AGBL1: variants seen among roughly 807,000 people sequenced by gnomAD.
AGBL1 encodes the protein AGBL carboxypeptidase 1, also known as cytosolic carboxypeptidase 4.
AGBL1 carries 130 observed loss-of-function variants against 118.9 expected under a neutral mutation model. The ratio of observed to expected loss-of-function variants is 1.09; its 90% CI spans 0.95 to 1.26. The LOEUF (loss-of-function observed/expected upper bound fraction) is 1.26, where lower values mean the gene tolerates loss of function less well. AGBL1 is among the 50% of genes most tolerant of loss of function. The probability of loss-of-function intolerance (pLI) is 0.00; values close to 1 mark genes in which losing one functional copy is unlikely to be tolerated. For missense variants in AGBL1, 1,584 were observed against 1,298.1 expected (o/e 1.22, Z -3.38); for synonymous variants, 555 against 478.9 (o/e 1.16, Z -2.08).
At chr15:86,171,396 G>T (rs1261857650) in intron 5 of AGBL1, among the ~76,000 whole-genome samples, 1 of 152,152 alleles carries the variant, frequency 6.6e-6, no homozygotes, top group Non-Finnish European at 1.5e-5. Flanking sequence ...GTATTCTATT[G>T]TAAGTGTCTT....
chr15:86,679,793 G>A (rs1251363628), intron 22 of AGBL1, among the ~76,000 whole-genome samples: 2 of 152,050 alleles, frequency 1.3e-5, no homozygotes, highest in Admixed American at 1.3e-4. Context: ...AGATTCTTTA[G>A]TATCTAGAAA....
chr15:86,244,694 A>T (rs1488874830), intron 6 of AGBL1, among the ~76,000 whole-genome samples: 2 of 152,190 alleles, frequency 1.3e-5, no homozygotes, highest in African/African-American at 4.8e-5. Context: ...GACATGGATG[A>T]AGGTCACTGG....
rs550081422 is a variant in AGBL1, at chr15:86,241,801, G to T, written c.527-5870G>T. Reference sequence around the variant, plus strand: ...TGTAACATTGAGTAACTTAACCAAGGTTACACAGCTAGTAAACACTAGAGC... The same window carrying T: ...TGTAACATTGAGTAACTTAACCAAGTTTACACAGCTAGTAAACACTAGAGC... On this transcript the variant is annotated intron_variant, in intron 6 of 22. Transcript: ENST00000614907. Among the ~76,000 whole-genome samples the T allele has an allele frequency of 2.0e-4, 30 of 152,294 alleles. 2 individuals carry two copies. The South Asian group carries it at 5.8e-3, about 29-fold the overall frequency.
chr15:86,128,733 A>G (rs1412988346), intron 1 of AGBL1, among the ~76,000 whole-genome samples: 2 of 152,128 alleles, frequency 1.3e-5, no homozygotes, highest in Non-Finnish European at 2.9e-5. Flanking sequence ...AAATGAACTC[A>G]TTTACTAGAT....
At chr15:86,361,551 T>C (rs2080805368) in intron 17 of AGBL1, among the ~76,000 whole-genome samples, 1 of 152,116 alleles carries the variant, frequency 6.6e-6, no homozygotes, top group Non-Finnish European at 1.5e-5. Context: ...AGTATTGAAG[T>C]CTCCTACTAT....
At chr15:86,242,230 C>T (rs1470964463) in intron 6 of AGBL1, among the ~76,000 whole-genome samples, 1 of 151,714 alleles carries the variant, frequency 6.6e-6, no homozygotes, top group African/African-American at 2.4e-5. Context: ...AGCATGAGAA[C>T]AGACTAATAC....
intron 1 of AGBL1, among the ~76,000 whole-genome samples, chr15:86,102,419 G>A (rs1442622634): frequency 2.0e-5 from 3 of 152,172 alleles, no homozygotes; most frequent in African/African-American, 4.8e-5. Context: ...GGTAGATACT[G>A]TTCTTTCATT....
chr15:86,606,126 C>CAAAA (rs10675845), intron 21 of AGBL1, among the ~76,000 whole-genome samples: 20,214 of 96,378 alleles, frequency 0.21, 2,672 homozygotes, highest in East Asian at 0.43. Context: ...GACTCCATCT[C>CAAAA]AAAAAAAAAA....
intron 6 of AGBL1, among the ~76,000 whole-genome samples, chr15:86,229,498 C>T (rs1287832284): frequency 6.6e-6 from 1 of 152,168 alleles, no homozygotes; most frequent in African/African-American, 2.4e-5. Flanking sequence ...CCCTTTGATT[C>T]AAGATGAGAT....
chr15:86,682,640 T>C (rs2085981599), intron 22 of AGBL1, among the ~76,000 whole-genome samples: 1 of 152,126 alleles, frequency 6.6e-6, no homozygotes, highest in Non-Finnish European at 1.5e-5. Context: ...ATTATGCACA[T>C]ATTTATATAA....
intron 21 of AGBL1, among the ~76,000 whole-genome samples, chr15:86,570,305 G>C (rs972277947): frequency 6.6e-6 from 1 of 152,226 alleles, no homozygotes; most frequent in Non-Finnish European, 1.5e-5. Context: ...ACACCATCGT[G>C]AGAAGGAATT....
At chr15:87,019,818 A>C (rs1026575024) in intron 24 of AGBL1, among the ~76,000 whole-genome samples, 4 of 152,066 alleles carry the variant, frequency 2.6e-5, no homozygotes, top group African/African-American at 9.7e-5. Flanking sequence ...TTCAAAAATC[A>C]ACAAATCCAG....
chr15:86,760,495 G>C (rs940399357), intron 22 of AGBL1, among the ~76,000 whole-genome samples: 3 of 152,068 alleles, frequency 2.0e-5, no homozygotes, highest in Non-Finnish European at 4.4e-5. Context: ...GTGAGGGATG[G>C]AGGTGCATTA....
intron 22 of AGBL1, among the ~76,000 whole-genome samples, chr15:86,794,677 A>T (rs541770135): frequency 1.3e-5 from 2 of 152,084 alleles, no homozygotes; most frequent in East Asian, 3.9e-4. Context: ...TACTGCTTCT[A>T]TATCAGTGTA....
intron 23 of AGBL1, among the ~76,000 whole-genome samples, chr15:86,941,669 T>A (rs546061768): frequency 1.8e-4 from 27 of 152,254 alleles, no homozygotes; most frequent in Middle Eastern, 6.8e-3. Flanking sequence ...AAAACTGCCC[T>A]CCAGGAAAAC....
At chr15:86,703,991 C>G (rs2086404634) in intron 22 of AGBL1, among the ~76,000 whole-genome samples, 1 of 152,130 alleles carries the variant, frequency 6.6e-6, no homozygotes, top group South Asian at 2.1e-4. Context: ...CACCACACAT[C>G]TACAGCCATC....
At chr15:86,755,292 A>G (rs2077919142) in intron 22 of AGBL1, among the ~76,000 whole-genome samples, 1 of 152,146 alleles carries the variant, frequency 6.6e-6, no homozygotes, top group Non-Finnish European at 1.5e-5. Flanking sequence ...ACAGTATAGA[A>G]TGGAAAGTGT....
intron 22 of AGBL1, among the ~76,000 whole-genome samples, chr15:86,768,276 A>T (rs1160805242): frequency 6.6e-6 from 1 of 151,978 alleles, no homozygotes; most frequent in Non-Finnish European, 1.5e-5. Flanking sequence ...TACCCTTCCC[A>T]TTGCATATAA....
At chr15:86,789,933 G>A (rs1567175186) in intron 22 of AGBL1, among the ~76,000 whole-genome samples, 1 of 152,084 alleles carries the variant, frequency 6.6e-6, no homozygotes, top group African/African-American at 2.4e-5. Flanking sequence ...AGGAGACTAG[G>A]AAACTCCACC....
Sources: gnomAD v4.1 joint callset for allele counts (sites outside exome capture counted in the v4.1 genomes callset) on GRCh38, gnomAD v4.1.1 for gene constraint, MANE v1.5 for transcripts, NCBI Gene and HGNC (gene_info 2026-07-23, HGNC 2026-07-21) for gene names.